ZNF133: variants seen among roughly 807,000 people sequenced by gnomAD.
The protein encoded by ZNF133 is zinc finger protein 133.
In ZNF133, 26 loss-of-function variants were observed where a neutral mutation model predicts 54.9. The observed-to-expected ratio is 0.47, with a 90% CI of 0.35 to 0.66. The LOEUF is 0.66. ZNF133 is among the 30% of genes least tolerant of loss of function. The pLI is 0.01. For missense variants in ZNF133, 653 were observed against 820.8 expected, an observed-to-expected ratio of 0.80 and a Z score of 2.50; for synonymous variants, 298 against 320.3, an observed-to-expected ratio of 0.93 and a Z score of 0.74.
intron 6 of ZNF133, chr20:18,313,627 A>T (rs1030123089): frequency 2.0e-5 from 3 of 152,212 alleles, no homozygotes; most frequent in Non-Finnish European, 2.9e-5. Flanking sequence ...ATAGCCAATA[A>T]ATCAAATCTG....
intron 5 of ZNF133, 74 bp from the exon 6 acceptor site, chr20:18,306,224 C>T: frequency 7.1e-7 from 1 of 1,417,486 alleles, no homozygotes; most frequent in Non-Finnish European, 9.7e-7. Flanking sequence ...GTTTCCTAGG[C>T]TGTTTAGCTT....
intron 6 of ZNF133, chr20:18,310,361 G>T: frequency 6.7e-7 from 1 of 1,493,212 alleles, no homozygotes; most frequent in South Asian, 1.3e-5. Context: ...TTGGATTTAA[G>T]ACAGGCAATA....
chr20:18,293,526 T>A (rs2041551009), intron 1 of ZNF133, among the ~76,000 whole-genome samples: 1 of 152,178 alleles, frequency 6.6e-6, no homozygotes, highest in Admixed American at 6.5e-5. Flanking sequence ...GTCACTTGTG[T>A]CAAATTTATT....
chr20:18,296,559 C>G (rs2147054167), intron 1 of ZNF133, among the ~76,000 whole-genome samples: 1 of 152,304 alleles, frequency 6.6e-6, no homozygotes, highest in South Asian at 2.1e-4. Context: ...TTTCACTTAG[C>G]ACAATGTCTT....
chr20:18,311,944 G>A (rs1028908834), intron 6 of ZNF133, among the ~76,000 whole-genome samples: 3 of 152,188 alleles, frequency 2.0e-5, no homozygotes, highest in Non-Finnish European at 4.4e-5. Context: ...TTTAAAATCA[G>A]TATAGGTTGA....
chr20:18,314,773 T>G, intron 6 of ZNF133: 1 of 303,542 alleles, frequency 3.3e-6, no homozygotes, highest in Admixed American at 4.6e-5. Flanking sequence ...AGAAGGTAAT[T>G]AATTGTATTG....
chr20:18,298,448 G>A lies in ZNF133; in HGVS notation c.-194G>A, dbSNP rs1040039323. On this transcript the variant is annotated 5_prime_UTR_variant, in exon 3 of 7. Coordinates refer to ENST00000425686, the MANE Select transcript of ZNF133 (RefSeq NM_001352452.2). ...AGTTGAAGGCCTCCAGTTCCCAGGG[G>A]GAAGGAAGCATGGAGGGTAAGTCAC... 5 of 572,502 alleles carry A rather than the reference G, an allele frequency of 8.7e-6. No individual in the cohort carries two copies. The highest frequency in any genetic ancestry group is 1.1e-5 in the Non-Finnish European group (5 of 435,804). The allele number at this position is 572,502 out of a possible 1,614,324, so 35.5% of individuals were successfully genotyped here.
At chr20:18,306,504 T>TG in intron 6 of ZNF133, 111 bp downstream of exon 6, 1 of 1,116,176 alleles carries the variant, frequency 9.0e-7, no homozygotes, top group South Asian at 1.5e-5. Context: ...CCTGACCTCC[T>TG]GGGCTGCTGT....
intron 6 of ZNF133, 72 bp from the exon 7 acceptor site, chr20:18,314,997 G>A (rs528819623): frequency 6.9e-7 from 1 of 1,455,746 alleles, no homozygotes. Context: ...GAAGCCTAGG[G>A]GATCTGACTA....
intron 6 of ZNF133, among the ~76,000 whole-genome samples, chr20:18,310,869 T>C (rs2045742311): frequency 6.6e-6 from 1 of 152,216 alleles, no homozygotes; most frequent in African/African-American, 2.4e-5. Context: ...AATGAATATA[T>C]ACATTTTTTG....
rs201136643 is a variant in ZNF133 at position 18,305,770 on chromosome 20, G to A, written c.84G>A (p.Glu28=). The A allele has an allele frequency of 6.1e-5, 98 of 1,613,984 alleles. No homozygotes were observed. In the East Asian group the frequency reaches 1.9e-3, roughly 32 times the overall value. The change falls in exon 5 of 7, where the codon GAG becomes GAA. Residue 28 remains glutamate (E), a synonymous_variant. Coordinates refer to ENST00000425686, the MANE Select transcript of ZNF133 (RefSeq NM_001352452.2). The surrounding 1 kb of genome is among the most constrained non-coding windows in gnomAD (Gnocchi z 4.7). ...LSPAQRTLYR[E]VMLENYSNLV... ...CTGCTCAAAGGACTCTGTACAGAGA[G>A]GTGATGCTGGAGAACTACAGCAACC... is the stretch of plus-strand genomic sequence containing the variant.
intron 1 of ZNF133, among the ~76,000 whole-genome samples, chr20:18,288,955 C>T (rs1568711047): frequency 6.6e-6 from 1 of 152,008 alleles, no homozygotes; most frequent in Non-Finnish European, 1.5e-5. Context: ...CCATAAGTCC[C>T]CGGTTTTGGG....
chr20:18,309,461 C>T (rs2045380685), intron 6 of ZNF133, among the ~76,000 whole-genome samples: 1 of 152,136 alleles, frequency 6.6e-6, no homozygotes, highest in African/African-American at 2.4e-5. Context: ...ACCAATGTGC[C>T]CATGGTGCTT....
rs577646156 is a variant in ZNF133, at chr20:18,290,371, C to A, written c.-432+1767C>A. 4.6e-5 allele frequency among the ~76,000 whole-genome samples: 7 copies of A among 152,306 alleles called. No homozygotes were observed. In the South Asian group the frequency reaches 1.4e-3, roughly 32 times the overall value. On this transcript the variant is annotated intron_variant, in intron 1 of 6. Coordinates refer to ENST00000425686, the MANE Select transcript of ZNF133 (RefSeq NM_001352452.2). Reference sequence around the variant, plus strand: ...TGTTAACATTCTGTTCTTCTGTCTTCCAATACTCTCACTTACTCTTTTCCC... The same window carrying A: ...TGTTAACATTCTGTTCTTCTGTCTTACAATACTCTCACTTACTCTTTTCCC...
chr20:18,298,187 C>T, intron 2 of ZNF133, 102 bp from the exon 3 acceptor site: 1 of 1,515,968 alleles, frequency 6.6e-7, no homozygotes, highest in South Asian at 1.2e-5. Context: ...TCCCCTGCCT[C>T]AGCATCACTT....
Position 18,305,876 on chromosome 20 carries a change from A to G in ZNF133, c.121+69A>G. 7 of 1,548,330 alleles carry G rather than the reference A, an allele frequency of 4.5e-6. No individual in the cohort carries two copies. Among genetic ancestry groups the G allele is most frequent in the East Asian group, 2.3e-5 (1 of 44,054 alleles). ...ATTTTAGGCTATGCTTGAAGCAGCC[A>G]TCTTGCTTTGTTACTTGACCTTTGG... On this transcript the variant is annotated intron_variant, in intron 5 of 6. Transcript: ENST00000425686. This position sits in a 1 kb window ranked among gnomAD's most constrained non-coding sequence, Gnocchi z 4.7.
At chr20:18,302,244 T>C (rs2043525057) in intron 3 of ZNF133, among the ~76,000 whole-genome samples, 2 of 150,994 alleles carry the variant, frequency 1.3e-5, no homozygotes, top group African/African-American at 4.9e-5. Flanking sequence ...CTACTGAAAA[T>C]ACAAAAAAAT....
At chr20:18,291,911 A>G (rs1390271260) in intron 1 of ZNF133, among the ~76,000 whole-genome samples, 1 of 152,136 alleles carries the variant, frequency 6.6e-6, no homozygotes, top group African/African-American at 2.4e-5. Context: ...TGTGTGCAAC[A>G]AGAAACTCTG....
chr20:18,311,135 C>T (rs751850815), intron 6 of ZNF133, among the ~76,000 whole-genome samples: 3 of 152,056 alleles, frequency 2.0e-5, no homozygotes, highest in Non-Finnish European at 4.4e-5. Flanking sequence ...GCCTGGGCAA[C>T]ATAGCGAGAC....
Sources: allele counts gnomAD v4.1 joint callset (sites outside exome capture counted in the v4.1 genomes callset), GRCh38; gene constraint gnomAD v4.1.1; non-coding constraint Gnocchi (gnomAD v3.1); transcripts MANE v1.5; gene names NCBI Gene and HGNC (gene_info 2026-07-23, HGNC 2026-07-21).